GRID2: variants seen among roughly 807,000 people sequenced by gnomAD.
GRID2 encodes glutamate receptor ionotropic, delta-2.
Under a neutral mutation model 114.8 loss-of-function variants are expected in GRID2, and 33 were observed. The ratio of observed to expected loss-of-function variants is 0.29; its 90% CI spans 0.22 to 0.38. The LOEUF is 0.38. Among genes scored for constraint, GRID2 ranks in the 10% least tolerant of loss-of-function variants. The pLI is 1.00. For synonymous variants in GRID2, 505 were observed against 449.9 expected, an observed-to-expected ratio of 1.12 and a Z score of -1.55; for missense variants, 1,184 against 1,257.7, an observed-to-expected ratio of 0.94 and a Z score of 0.89.
At chr4:93,548,690 A>G (rs893797693) in intron 13 of GRID2, among the ~76,000 whole-genome samples, 3 of 152,180 alleles carry the variant, frequency 2.0e-5, no homozygotes, top group African/African-American at 7.2e-5. Flanking sequence ...TCATAGTCAT[A>G]TTTTTTTAAG....
chr4:93,149,944 G>T (rs1325653092), intron 4 of GRID2, among the ~76,000 whole-genome samples: 1 of 151,890 alleles, frequency 6.6e-6, no homozygotes, highest in Non-Finnish European at 1.5e-5. Flanking sequence ...CCACCAAGAA[G>T]AGCTTTGATA....
In GRID2 at chr4:93,118,824, G is replaced by C. The variant is rs556776240; in HGVS notation, c.735+7871G>C. ...AAGTTCAGCAAGTGCCTTAAACAGAGAGAAGTTGAGGGGAGAAATTCTGGT... is the reference window on the plus strand; with the variant it reads ...AAGTTCAGCAAGTGCCTTAAACAGACAGAAGTTGAGGGGAGAAATTCTGGT... On this transcript the variant is annotated intron_variant, in intron 4 of 15. Coordinates refer to ENST00000282020, the MANE Select transcript of GRID2 (RefSeq NM_001510.4). 2.6e-5 allele frequency among the ~76,000 whole-genome samples: 4 copies of C among 152,292 alleles called. No homozygotes were observed. The South Asian group carries it at 8.3e-4, about 32-fold the overall frequency.
At position 92,420,627 on chromosome 4, in the gene GRID2, A is replaced by G. The variant is rs534013469; in HGVS notation, c.88+115883A>G. 4.6e-3 allele frequency among the ~76,000 whole-genome samples: 693 copies of G among 152,302 alleles called. 7 individuals carry two copies. The highest frequency in any genetic ancestry group is 8.5e-3 in the Non-Finnish European group (581 of 68,016). On this transcript the variant is annotated intron_variant, in intron 1 of 15. Coordinates refer to ENST00000282020, the MANE Select transcript of GRID2 (RefSeq NM_001510.4). Reference sequence around the variant, plus strand: ...AAAAATCAATTACCAATTTCAAATGATAACTTTTCAAATAGATGAAGCAGA... The same window carrying G: ...AAAAATCAATTACCAATTTCAAATGGTAACTTTTCAAATAGATGAAGCAGA...
At chr4:93,398,443 T>A (rs1765566629) in intron 9 of GRID2, among the ~76,000 whole-genome samples, 1 of 151,626 alleles carries the variant, frequency 6.6e-6, no homozygotes, top group Non-Finnish European at 1.5e-5. Flanking sequence ...CCAGTCCTAC[T>A]GTGATAAGTG....
chr4:92,393,849 C>A (rs952590932), intron 1 of GRID2, among the ~76,000 whole-genome samples: 1 of 152,102 alleles, frequency 6.6e-6, no homozygotes, highest in East Asian at 1.9e-4. Context: ...TGATGAAATG[C>A]CTTCCCAGTT....
intron 2 of GRID2, chr4:92,822,376 C>T: frequency 4.9e-6 from 3 of 610,214 alleles, no homozygotes; most frequent in South Asian, 4.2e-5. Flanking sequence ...AGTGGTTCAT[C>T]TTCAGCTTGC....
At chr4:92,585,663 T>A (rs1047891759) in intron 1 of GRID2, among the ~76,000 whole-genome samples, 2 of 152,068 alleles carry the variant, frequency 1.3e-5, no homozygotes, top group Admixed American at 6.5e-5. Flanking sequence ...ATATATCAAA[T>A]TTTTTCTCAA....
Position 92,844,616 on chromosome 4 carries a change from T to C in GRID2, c.245-240379T>C, listed in dbSNP as rs1327323889. Among the ~76,000 whole-genome samples, 3 of 151,420 alleles carry C rather than the reference T, an allele frequency of 2.0e-5. No individual in the cohort carries two copies. The East Asian group carries it at 5.9e-4, about 30-fold the overall frequency. ...GTATGATCAGGATTGATTGTAGCCT[T>C]TCTTGTGTCATGTCCTACATAGCAA... On this transcript the variant is annotated intron_variant, in intron 2 of 15. Transcript: ENST00000282020.
At position 93,683,938 on chromosome 4, in the gene GRID2, G is replaced by A. The variant is rs548357406; in HGVS notation, c.2360+57503G>A. ...ACTTTATTCAGGAACATTGCAAAAG[G>A]TATAGGGACCACTGCAATGGGATTT... On this transcript the variant is annotated intron_variant, in intron 14 of 15. Coordinates refer to ENST00000282020, the MANE Select transcript of GRID2 (RefSeq NM_001510.4). Among the ~76,000 whole-genome samples, 8 of 152,140 alleles carry A rather than the reference G, an allele frequency of 5.3e-5. 1 individual carries two copies. The highest frequency in any genetic ancestry group is 1.9e-4 in the African/African-American group (8 of 41,526).
At chr4:92,828,418 T>TAAGACC (rs1741881910) in intron 2 of GRID2, among the ~76,000 whole-genome samples, 1 of 152,136 alleles carries the variant, frequency 6.6e-6, no homozygotes, top group Admixed American at 6.6e-5. Context: ...TTAACTTATT[T>TAAGACC]AAGAAAACAA....
chr4:92,399,394 C>A (rs1327414463), intron 1 of GRID2, among the ~76,000 whole-genome samples: 1 of 152,110 alleles, frequency 6.6e-6, no homozygotes, highest in Non-Finnish European at 1.5e-5. Context: ...CCACTAACAG[C>A]CGTTGAGCTT....
intron 4 of GRID2, among the ~76,000 whole-genome samples, chr4:93,112,686 A>G (rs982496679): frequency 6.6e-5 from 10 of 152,198 alleles, no homozygotes; most frequent in Admixed American, 4.6e-4. Flanking sequence ...TGGCTTAAAC[A>G]ACAGAAAGTT....
intron 4 of GRID2, among the ~76,000 whole-genome samples, chr4:93,122,889 G>GGTTTTTTTT (rs1733913025): frequency 2.5e-4 from 14 of 56,894 alleles, no homozygotes; most frequent in East Asian, 1.1e-3. Context: ...CACAGATGTG[G>GGTTTTTTTT]GTTTTTTTTT....
At chr4:92,941,943 A>G (rs943764789) in intron 2 of GRID2, among the ~76,000 whole-genome samples, 1 of 152,116 alleles carries the variant, frequency 6.6e-6, no homozygotes, top group South Asian at 2.1e-4. Flanking sequence ...ACAGTTTGTT[A>G]TAATTTCTGT....
At chr4:92,530,199 T>C (rs1406050835) in intron 1 of GRID2, among the ~76,000 whole-genome samples, 1 of 151,946 alleles carries the variant, frequency 6.6e-6, no homozygotes, top group Non-Finnish European at 1.5e-5. Context: ...TTTCAAACTA[T>C]CATAAAATAA....
chr4:93,025,226 G>A (rs1045835209), intron 2 of GRID2, among the ~76,000 whole-genome samples: 2 of 151,722 alleles, frequency 1.3e-5, no homozygotes, highest in African/African-American at 2.4e-5. Flanking sequence ...TAAGTTCTCA[G>A]CATATTTCTC....
At chr4:92,444,207 T>C (rs922406143) in intron 1 of GRID2, among the ~76,000 whole-genome samples, 4 of 152,156 alleles carry the variant, frequency 2.6e-5, no homozygotes, top group African/African-American at 4.8e-5. Context: ...CCAAAATTCA[T>C]GCGCGTCTGT....
At chr4:92,856,609 G>C (rs1311165205) in intron 2 of GRID2, among the ~76,000 whole-genome samples, 1 of 152,038 alleles carries the variant, frequency 6.6e-6, no homozygotes, top group East Asian at 1.9e-4. Flanking sequence ...TGTACCATTA[G>C]ATTTCACTTA....
intron 1 of GRID2, among the ~76,000 whole-genome samples, chr4:92,418,121 C>T (rs1443951612): frequency 6.6e-6 from 1 of 152,022 alleles, no homozygotes; most frequent in East Asian, 1.9e-4. Context: ...CTATGTTGTA[C>T]CATGGAAGAG....
Sources: allele counts gnomAD v4.1 joint callset (sites outside exome capture counted in the v4.1 genomes callset), GRCh38; gene constraint gnomAD v4.1.1; transcripts MANE v1.5; gene names NCBI Gene and HGNC (gene_info 2026-07-23, HGNC 2026-07-21).